Variants in NRXN1 observed in about 807,000 individuals in gnomAD.
NRXN1 encodes the protein neurexin 1, also known as neurexin-1.
NRXN1 carries 39 observed loss-of-function variants against 150.9 expected under a neutral mutation model. That is an observed-to-expected ratio of 0.26 (90% CI 0.20 to 0.34). The LOEUF (loss-of-function observed/expected upper bound fraction) is 0.34, where lower values mean the gene tolerates loss of function less well. Among genes scored for constraint, NRXN1 ranks in the 10% least tolerant of loss-of-function variants. NRXN1 has a pLI of 1.00. For synonymous variants in NRXN1, 924 were observed against 757.0 expected, an observed-to-expected ratio of 1.22 and a Z score of -3.62; for missense variants, 1,815 against 1,949.9, an observed-to-expected ratio of 0.93 and a Z score of 1.30.
rs111770451 is a variant in NRXN1 at position 50,770,838 on chromosome 2, A to T, written c.833-147223T>A. ...TAAATTTTGCCATAGATGCTATGGG[A>T]AGCAAGCCATTTTCACTTTAAAGGG... On this transcript the variant is annotated intron_variant, in intron 5 of 22. Transcript: ENST00000401669. 7.2e-3 allele frequency among the ~76,000 whole-genome samples: 1,094 copies of T among 152,166 alleles called. 18 individuals are homozygous for T. Among genetic ancestry groups the T allele is most frequent in the African/African-American group, 0.023 (969 of 41,546 alleles).
At chr2:51,009,862 G>A (rs1186519799) in intron 2 of NRXN1, among the ~76,000 whole-genome samples, 3 of 151,758 alleles carry the variant, frequency 2.0e-5, no homozygotes, top group African/African-American at 7.3e-5. Context: ...CCTGCATCTT[G>A]TTAGGATCCC....
intron 12 of NRXN1, among the ~76,000 whole-genome samples, chr2:50,528,319 A>G (rs1173102547): frequency 6.6e-6 from 1 of 152,164 alleles, no homozygotes; most frequent in African/African-American, 2.4e-5. Flanking sequence ...TTGGTTATGA[A>G]GAGAACAACT....
intron 18 of NRXN1, among the ~76,000 whole-genome samples, chr2:50,193,401 A>C: frequency 6.6e-6 from 1 of 152,164 alleles, no homozygotes; most frequent in Non-Finnish European, 1.5e-5. Context: ...TTTTTACCAA[A>C]CAAAGCTGCT....
intron 5 of NRXN1, among the ~76,000 whole-genome samples, chr2:50,921,217 A>C (rs968417111): frequency 6.6e-6 from 1 of 151,814 alleles, no homozygotes; most frequent in Non-Finnish European, 1.5e-5. Flanking sequence ...GGCAAATTAC[A>C]CATGCTTCTG....
chr2:50,693,794 T>A (rs1692408155), intron 5 of NRXN1, among the ~76,000 whole-genome samples: 1 of 152,026 alleles, frequency 6.6e-6, no homozygotes, highest in Admixed American at 6.6e-5. Context: ...ATTAATTAAT[T>A]TTGAAGTTTA....
At chr2:50,594,976 GA>G (rs1674912437) in intron 8 of NRXN1, among the ~76,000 whole-genome samples, 1 of 149,194 alleles carries the variant, frequency 6.7e-6, no homozygotes, top group South Asian at 2.1e-4. Context: ...ATTCTAAAAT[GA>G]ATAAGAGTTG....
At chr2:50,296,587 GCTT>G (rs1190604013) in intron 17 of NRXN1, among the ~76,000 whole-genome samples, 1 of 149,032 alleles carries the variant, frequency 6.7e-6, no homozygotes, top group Non-Finnish European at 1.5e-5. Context: ...TCCCACCTCA[GCTT>G]CTTGAGTAGT....
chr2:50,815,906 C>G (rs1272411711), intron 5 of NRXN1, among the ~76,000 whole-genome samples: 1 of 152,112 alleles, frequency 6.6e-6, no homozygotes, highest in East Asian at 1.9e-4. Flanking sequence ...GCTAGAATAT[C>G]TCTCTTCAGA....
At chr2:50,113,518 T>C (rs1238493918) in intron 18 of NRXN1, among the ~76,000 whole-genome samples, 1 of 152,204 alleles carries the variant, frequency 6.6e-6, no homozygotes, top group Non-Finnish European at 1.5e-5. Flanking sequence ...TAACCATAAC[T>C]CACCTTTGTA....
chr2:50,783,873 A>C (rs1433665784), intron 5 of NRXN1, among the ~76,000 whole-genome samples: 1 of 152,110 alleles, frequency 6.6e-6, no homozygotes, highest in African/African-American at 2.4e-5. Context: ...GAAAGCTGAT[A>C]GTAAACCGTG....
chr2:50,135,317 G>A (rs1223427716), intron 18 of NRXN1, among the ~76,000 whole-genome samples: 1 of 152,212 alleles, frequency 6.6e-6, no homozygotes, highest in Non-Finnish European at 1.5e-5. Flanking sequence ...GAGGAGAATA[G>A]ACGAAAGGTT....
intron 2 of NRXN1, among the ~76,000 whole-genome samples, chr2:50,976,594 C>T (rs1253125354): frequency 2.6e-5 from 4 of 151,746 alleles, no homozygotes; most frequent in Non-Finnish European, 5.9e-5. Flanking sequence ...TATTAGGGGA[C>T]CAAGTAGTTA....
chr2:50,467,946 G>T (rs2089076530), intron 16 of NRXN1, among the ~76,000 whole-genome samples: 1 of 151,314 alleles, frequency 6.6e-6, no homozygotes, highest in Non-Finnish European at 1.5e-5. Context: ...GAGGGAAGTG[G>T]TCTACTGATC....
At chr2:50,328,975 T>C (rs2076570017) in intron 17 of NRXN1, among the ~76,000 whole-genome samples, 1 of 152,064 alleles carries the variant, frequency 6.6e-6, no homozygotes. Flanking sequence ...TGGAAATATA[T>C]TAAATGCCTC....
At chr2:50,109,571 T>C (rs1445890338) in intron 18 of NRXN1, among the ~76,000 whole-genome samples, 1 of 151,510 alleles carries the variant, frequency 6.6e-6, no homozygotes, top group African/African-American at 2.4e-5. Flanking sequence ...TATTAGACAC[T>C]GACACGTTTT....
intron 5 of NRXN1, among the ~76,000 whole-genome samples, chr2:50,635,409 G>A (rs1354738839): frequency 6.6e-6 from 1 of 150,868 alleles, no homozygotes; most frequent in East Asian, 2.0e-4. Flanking sequence ...TCCCGACCTT[G>A]TGATCTGCCC....
rs1437520696 is a variant in NRXN1 at position 51,027,740 on chromosome 2, C to T, written c.534G>A (p.Glu178=). Residue 178 remains glutamate, a synonymous_variant, in exon 2 of 23, where the codon GAG becomes GAA. Transcript: ENST00000401669. ...CGTCACGAATCCACCCCTTGAAGGGCTCCCGCTCCCTCACCGAGGCCAGGG... is the reference window on the plus strand; with the variant it reads ...CGTCACGAATCCACCCCTTGAAGGGTTCCCGCTCCCTCACCGAGGCCAGGG... ...KLTLASVRER[E]PFKGWIRDVR... The T allele has an allele frequency of 1.2e-6, 2 of 1,611,594 alleles. No homozygotes were observed. Among genetic ancestry groups the T allele is most frequent in the African/African-American group, 2.7e-5 (2 of 74,870 alleles).
chr2:50,154,276 T>A (rs2058878031), intron 18 of NRXN1, among the ~76,000 whole-genome samples: 1 of 151,678 alleles, frequency 6.6e-6, no homozygotes, highest in Non-Finnish European at 1.5e-5. Flanking sequence ...GCTCGGGTGA[T>A]GAGTGCACCA....
chr2:49,929,997 A>AG (rs1669841700), intron 22 of NRXN1, among the ~76,000 whole-genome samples: 1 of 152,228 alleles, frequency 6.6e-6, no homozygotes, highest in Non-Finnish European at 1.5e-5. Context: ...CTGCAGAATC[A>AG]GATCTTTCTG....
Sources: allele counts gnomAD v4.1 joint callset (sites outside exome capture counted in the v4.1 genomes callset), GRCh38; gene constraint gnomAD v4.1.1; transcripts MANE v1.5; gene names NCBI Gene and HGNC (gene_info 2026-07-23, HGNC 2026-07-21).